DMD: variants seen among roughly 807,000 people sequenced by gnomAD.
DMD encodes the protein dystrophin, also known as mutant dystrophin.
A neutral mutation model predicts 330.1 loss-of-function variants in DMD; 63 were observed. The observed-to-expected ratio is 0.19, with a 90% CI of 0.16 to 0.24. The LOEUF (loss-of-function observed/expected upper bound fraction) is 0.24. Ranked by LOEUF, DMD falls within the 10% of genes least tolerant of loss-of-function variation. The pLI, the probability that DMD is intolerant of heterozygous loss-of-function variation, is 1.00. For synonymous variants in DMD, 1,223 were observed against 959.8 expected (o/e 1.27, Z -5.07); for missense variants, 3,344 against 2,684.1 (o/e 1.25, Z -5.43).
At chrX:31,268,267 T>C (rs2051338357) in intron 62 of DMD, among the ~76,000 whole-genome samples, 1 of 112,422 alleles carries the variant, frequency 8.9e-6, no homozygotes, top group Admixed American at 9.4e-5. Flanking sequence ...CGTTTTGCTT[T>C]ATCTAATGCT....
In DMD at chrX:31,281,867, C is replaced by A. The variant is rs375485280; in HGVS notation, c.9225-20851G>T. 4.5e-5 allele frequency among the ~76,000 whole-genome samples: 5 copies of A among 111,867 alleles called. No individual in the cohort carries two copies. The South Asian group carries it at 1.1e-3, about 25-fold the overall frequency. On this transcript the variant is annotated intron_variant, in intron 62 of 78. Transcript: ENST00000357033. ...GTCAGATTTGTGTCATTTTAAAAGC[C>A]AAAATATTTACCTAAAAAGCAAGTG...
At chrX:32,947,019 G>A (rs1298399082) in intron 2 of DMD, among the ~76,000 whole-genome samples, 1 of 112,329 alleles carries the variant, frequency 8.9e-6, no homozygotes, top group Non-Finnish European at 1.9e-5. Context: ...TAAGGCTTAT[G>A]TATTTCGTAA....
At chrX:31,637,592 C>T (rs942006692) in intron 54 of DMD, among the ~76,000 whole-genome samples, 3 of 110,843 alleles carry the variant, frequency 2.7e-5, no homozygotes, top group East Asian at 2.8e-4. Flanking sequence ...ATTCACACCA[C>T]AGTTCCTGGC....
intron 1 of DMD, among the ~76,000 whole-genome samples, chrX:33,289,035 T>C (rs543855568): frequency 3.6e-5 from 4 of 111,356 alleles, no homozygotes; most frequent in African/African-American, 9.8e-5. Context: ...AAGGAAGTCA[T>C]TAGGCTCGTC....
At chrX:32,483,979 A>G (rs1192408238) in intron 21 of DMD, among the ~76,000 whole-genome samples, 1 of 111,110 alleles carries the variant, frequency 9.0e-6, no homozygotes, top group Non-Finnish European at 1.9e-5. Flanking sequence ...ATATTTACAA[A>G]GAAAAGCAAT....
chrX:31,192,955 C>T (rs1291110943), intron 67 of DMD, among the ~76,000 whole-genome samples: 2 of 111,388 alleles, frequency 1.8e-5, no homozygotes, highest in Non-Finnish European at 3.8e-5. Context: ...AACATGGCTG[C>T]GAGAGCCAAT....
intron 76 of DMD, among the ~76,000 whole-genome samples, chrX:31,144,903 G>A (rs1353329380): frequency 1.8e-5 from 2 of 111,482 alleles, no homozygotes; most frequent in East Asian, 2.8e-4. Context: ...AGGAACCCCT[G>A]TCCTAGCCAT....
intron 62 of DMD, among the ~76,000 whole-genome samples, chrX:31,287,871 T>C (rs910416547): frequency 8.9e-6 from 1 of 112,181 alleles, no homozygotes; most frequent in African/African-American, 3.2e-5. Flanking sequence ...TCATTCCTAA[T>C]GAATCTTTTC....
chrX:32,476,325 A>C (rs1187112922), intron 21 of DMD, among the ~76,000 whole-genome samples: 2 of 111,637 alleles, frequency 1.8e-5, no homozygotes, highest in South Asian at 7.4e-4. Flanking sequence ...TAAAACATGC[A>C]TATTTTAATT....
chrX:32,720,808 T>C (rs919983395), intron 7 of DMD, among the ~76,000 whole-genome samples: 6 of 111,564 alleles, frequency 5.4e-5, no homozygotes, highest in Admixed American at 9.6e-5. Flanking sequence ...GGGTTAGCTG[T>C]ATATCGAAAC....
intron 74 of DMD, among the ~76,000 whole-genome samples, chrX:31,151,004 T>G (rs2037347669): frequency 8.9e-6 from 1 of 112,084 alleles, no homozygotes; most frequent in Non-Finnish European, 1.9e-5. Context: ...CTATCAGCCT[T>G]CAAGGGTAGT....
intron 60 of DMD, among the ~76,000 whole-genome samples, chrX:31,382,769 C>G (rs753363885): frequency 9.0e-6 from 1 of 111,480 alleles, no homozygotes; most frequent in Non-Finnish European, 1.9e-5. Flanking sequence ...CCCTCCCACT[C>G]TAGGTTCCCA....
At chrX:31,389,400 T>C (rs2060596654) in intron 60 of DMD, among the ~76,000 whole-genome samples, 1 of 112,370 alleles carries the variant, frequency 8.9e-6, no homozygotes, top group African/African-American at 3.2e-5. Context: ...TGGCACTGTA[T>C]TGTAGTCTTC....
At chrX:31,296,127 G>A (rs2054168512) in intron 62 of DMD, among the ~76,000 whole-genome samples, 1 of 110,500 alleles carries the variant, frequency 9.0e-6, no homozygotes, top group Non-Finnish European at 1.9e-5. Context: ...CATTGAACAT[G>A]GATTATTCAT....
chrX:32,444,336 AC>A (rs1361128682), intron 27 of DMD, among the ~76,000 whole-genome samples: 1 of 109,947 alleles, frequency 9.1e-6, no homozygotes, highest in Non-Finnish European at 1.9e-5. Flanking sequence ...CCTGATGGCA[AC>A]AATACAAAAA....
intron 1 of DMD, among the ~76,000 whole-genome samples, chrX:33,033,317 G>A (rs1202489247): frequency 9.1e-6 from 1 of 109,377 alleles, no homozygotes; most frequent in Non-Finnish European, 1.9e-5. Flanking sequence ...GGACTACACC[G>A]AGAACACGTC....
chrX:32,486,077 T>C (rs1477611939), intron 20 of DMD, among the ~76,000 whole-genome samples: 3 of 109,622 alleles, frequency 2.7e-5, no homozygotes, highest in Non-Finnish European at 5.7e-5. Context: ...CTGTCCAGGT[T>C]TCCTCTTGTT....
chrX:31,731,976 T>A (rs2086539619), intron 51 of DMD, among the ~76,000 whole-genome samples: 1 of 111,392 alleles, frequency 9.0e-6, no homozygotes, highest in South Asian at 3.8e-4. Flanking sequence ...GCATGTCAAC[T>A]TAGACTCAAA....
At chrX:32,973,695 T>A (rs1602334751) in intron 2 of DMD, among the ~76,000 whole-genome samples, 1 of 112,044 alleles carries the variant, frequency 8.9e-6, no homozygotes, top group East Asian at 2.8e-4. Context: ...ACATCCCTGC[T>A]GTGTCCTATC....
Sources: gnomAD v4.1 joint callset for allele counts (sites outside exome capture counted in the v4.1 genomes callset) on GRCh38, gnomAD v4.1.1 for gene constraint, MANE v1.5 for transcripts, NCBI Gene and HGNC (gene_info 2026-07-23, HGNC 2026-07-21) for gene names.